The following DLGAP2 variants were observed in gnomAD, a reference collection of about 807,000 sequenced individuals.
DLGAP2 encodes the protein DLG associated protein 2, also known as disks large-associated protein 2.
Under a neutral mutation model 100.3 loss-of-function variants are expected in DLGAP2, and 26 were observed. That is an observed-to-expected ratio of 0.26 (90% CI 0.19 to 0.36). The LOEUF is 0.36. Ranked by LOEUF, DLGAP2 falls within the 10% of genes least tolerant of loss-of-function variation. The pLI is 1.00. For synonymous variants in DLGAP2, 886 were observed against 630.1 expected, an observed-to-expected ratio of 1.41 and a Z score of -6.08; for missense variants, 1,858 against 1,453.2, an observed-to-expected ratio of 1.28 and a Z score of -4.53.
chr8:1,234,100 A>T (rs1798593547), intron 2 of DLGAP2, among the ~76,000 whole-genome samples: 1 of 152,226 alleles, frequency 6.6e-6, no homozygotes, highest in East Asian at 1.9e-4. Flanking sequence ...GTTCTTCAGC[A>T]TTGTAGCCTG....
rs532244634 is a variant in DLGAP2 at position 952,898 on chromosome 8, G to C, written c.73+44932G>C. Among the ~76,000 whole-genome samples the C allele has an allele frequency of 2.4e-4, 37 of 152,248 alleles. No homozygotes were observed. The South Asian group carries it at 7.1e-3, about 29-fold the overall frequency. ...GCATTCTCACACAAATATGGAGTTA[G>C]GCCATATTGATAAACACTTTGTCAT... On this transcript the variant is annotated intron_variant, in intron 2 of 14. Transcript: ENST00000637795.
chr8:983,214 G>A (rs899058783), intron 2 of DLGAP2, among the ~76,000 whole-genome samples: 2 of 152,166 alleles, frequency 1.3e-5, no homozygotes, highest in Non-Finnish European at 1.5e-5. Flanking sequence ...CCACGTGTTG[G>A]TGGAAGGTAC....
intron 3 of DLGAP2, among the ~76,000 whole-genome samples, chr8:1,476,117 A>G (rs774557638): frequency 2.6e-5 from 4 of 152,204 alleles, no homozygotes; most frequent in Non-Finnish European, 5.9e-5. Context: ...AGAACAAGAC[A>G]GTGAGCCCGT....
intron 1 of DLGAP2, among the ~76,000 whole-genome samples, chr8:899,933 C>A (rs76154365): frequency 2.6e-5 from 4 of 152,150 alleles, no homozygotes; most frequent in Non-Finnish European, 4.4e-5. Flanking sequence ...CCCTCCCTCC[C>A]GAGGCCAGCG....
intron 3 of DLGAP2, among the ~76,000 whole-genome samples, chr8:1,440,771 C>G (rs976004589): frequency 2.0e-5 from 3 of 152,168 alleles, no homozygotes; most frequent in Non-Finnish European, 4.4e-5. Context: ...GCAGATGAAC[C>G]TGCAGATGAG....
intron 3 of DLGAP2, among the ~76,000 whole-genome samples, chr8:1,462,897 A>C (rs1798500846): frequency 6.6e-6 from 1 of 152,250 alleles, no homozygotes; most frequent in Non-Finnish European, 1.5e-5. Flanking sequence ...ACTTCCCAGC[A>C]AATGGCTCAA....
At chr8:1,480,738 T>C (rs1799067858) in intron 3 of DLGAP2, among the ~76,000 whole-genome samples, 1 of 150,922 alleles carries the variant, frequency 6.6e-6, no homozygotes, top group Non-Finnish European at 1.5e-5. Context: ...TGGTGGTGTA[T>C]GCCTATAATC....
chr8:1,302,992 G>A (rs1190901940), intron 3 of DLGAP2, among the ~76,000 whole-genome samples: 2 of 152,232 alleles, frequency 1.3e-5, no homozygotes, highest in Non-Finnish European at 2.9e-5. Context: ...CTTAGCTGTC[G>A]GCTGCAGGCT....
intron 2 of DLGAP2, among the ~76,000 whole-genome samples, chr8:1,128,443 T>A (rs1796219375): frequency 6.6e-6 from 1 of 152,242 alleles, no homozygotes; most frequent in African/African-American, 2.4e-5. Flanking sequence ...AGTTTTTCTA[T>A]GTTTAGCTGG....
At chr8:1,676,106 C>T (rs1051670475) in intron 10 of DLGAP2, among the ~76,000 whole-genome samples, 16 of 152,232 alleles carry the variant, frequency 1.1e-4, no homozygotes, top group Admixed American at 7.9e-4. Flanking sequence ...TCTTTCTGTA[C>T]GTGGATGCAG....
chr8:1,597,831 T>G (rs1796507048), intron 6 of DLGAP2, among the ~76,000 whole-genome samples: 1 of 152,220 alleles, frequency 6.6e-6, no homozygotes. Flanking sequence ...GAATTTGACT[T>G]TCTCTTTTCC....
intron 3 of DLGAP2, among the ~76,000 whole-genome samples, chr8:1,483,220 G>A (rs1015889166): frequency 6.6e-6 from 1 of 152,174 alleles, no homozygotes; most frequent in Admixed American, 6.5e-5. Context: ...TCCGTACTTT[G>A]TGGGGAAACT....
intron 3 of DLGAP2, among the ~76,000 whole-genome samples, chr8:1,347,961 A>C (rs1198355009): frequency 6.7e-6 from 1 of 148,964 alleles, no homozygotes; most frequent in East Asian, 2.0e-4. Flanking sequence ...ACAGAGCTAC[A>C]TTGCACTCAT....
chr8:1,345,454 A>G (rs1801533608), intron 3 of DLGAP2, among the ~76,000 whole-genome samples: 1 of 152,254 alleles, frequency 6.6e-6, no homozygotes, highest in African/African-American at 2.4e-5. Context: ...CAAAATAAAC[A>G]AATGATTTCA....
intron 2 of DLGAP2, among the ~76,000 whole-genome samples, chr8:1,238,503 G>C (rs867228550): frequency 3.9e-5 from 5 of 127,254 alleles, no homozygotes; most frequent in Non-Finnish European, 6.9e-5. Flanking sequence ...ACATGGCGCC[G>C]TGTCTAGTTC....
At chr8:843,191 G>A (rs1323147363) in intron 1 of DLGAP2, among the ~76,000 whole-genome samples, 5 of 152,192 alleles carry the variant, frequency 3.3e-5, no homozygotes, top group Admixed American at 2.6e-4. Flanking sequence ...GAATCCGGGA[G>A]AGCTTTTCCG....
intron 2 of DLGAP2, among the ~76,000 whole-genome samples, chr8:1,025,807 T>C (rs2129026265): frequency 6.6e-6 from 1 of 152,338 alleles, no homozygotes; most frequent in African/African-American, 2.4e-5. Context: ...CTCTGAGGCC[T>C]GTCAGCCTTG....
At position 749,105 on chromosome 8, in the gene DLGAP2, T is replaced by C. The variant is rs35847708; in HGVS notation, c.18+11280T>C. The stretch of plus-strand genomic sequence containing the variant: ...GCCTTGACTTTCTGGGCTCAGGTGA[T>C]ATTCCTGCCTCAGCCCTTGAGTAGC... On this transcript the variant is annotated intron_variant, in intron 1 of 14. Coordinates refer to ENST00000637795, the MANE Select transcript of DLGAP2 (RefSeq NM_001346810.2). Among the ~76,000 whole-genome samples the C allele has an allele frequency of 7.6e-3, 1,150 of 152,316 alleles. 3 individuals are homozygous for C. Among genetic ancestry groups the C allele is most frequent in the South Asian group, 0.016 (79 of 4,830 alleles).
chr8:766,154 G>T (rs556962099), intron 1 of DLGAP2, among the ~76,000 whole-genome samples: 49 of 152,222 alleles, frequency 3.2e-4, no homozygotes, highest in African/African-American at 1.1e-3. Flanking sequence ...GTGACAGAGC[G>T]AGACTCTGTC....
Sources: gnomAD v4.1 joint callset for allele counts (sites outside exome capture counted in the v4.1 genomes callset) on GRCh38, gnomAD v4.1.1 for gene constraint, MANE v1.5 for transcripts, NCBI Gene and HGNC (gene_info 2026-07-23, HGNC 2026-07-21) for gene names.